PTPN23: variants seen among roughly 807,000 people sequenced by gnomAD.
The protein encoded by PTPN23 is tyrosine-protein phosphatase non-receptor type 23.
A neutral mutation model predicts 156.3 loss-of-function variants in PTPN23; 72 were observed. That is an observed-to-expected ratio of 0.46 (90% CI 0.38 to 0.56). The LOEUF (loss-of-function observed/expected upper bound fraction) is 0.56, where lower values mean the gene tolerates loss of function less well. Ranked by LOEUF, PTPN23 falls within the 20% of genes least tolerant of loss-of-function variation. The pLI is 0.00. For missense variants in PTPN23, 1,974 were observed against 2,171.5 expected, an observed-to-expected ratio of 0.91 and a Z score of 1.81; for synonymous variants, 957 against 899.6, an observed-to-expected ratio of 1.06 and a Z score of -1.14.
At chr3:47,387,930 C>T (rs1317933523) in intron 1 of PTPN23, among the ~76,000 whole-genome samples, 4 of 152,192 alleles carry the variant, frequency 2.6e-5, no homozygotes, top group African/African-American at 9.6e-5. Context: ...AAAATCATGG[C>T]AGGACCAGGA....
At position 47,406,740 on chromosome 3, in the gene PTPN23, T is replaced by C; in HGVS notation, c.797T>C (p.Phe266Ser). The change falls in exon 9 of 25, where the codon TTC becomes TCC. Residue 266 changes from phenylalanine to serine, a missense_variant. Transcript: ENST00000265562. The surrounding 1 kb of genome is among the most constrained non-coding windows in gnomAD (Gnocchi z 5.8). ...AAGCAGGCCGAGGAGCAGCAGAAGT[T>C]CGGGGAGCGGGTGAGCTACAGCGAG... ...MGKQAEEQQKFGERVAYFQSA... is the reference protein window; with the variant it reads ...MGKQAEEQQKSGERVAYFQSA... 1.2e-6 allele frequency: 2 copies of C among 1,613,658 alleles called. No individual in the cohort carries two copies. Among genetic ancestry groups the C allele is most frequent in the Non-Finnish European group, 1.7e-6 (2 of 1,179,922 alleles).
At chr3:47,399,585 A>G (rs896054419) in intron 2 of PTPN23, among the ~76,000 whole-genome samples, 19 of 152,130 alleles carry the variant, frequency 1.2e-4, no homozygotes, top group Non-Finnish European at 2.6e-4. Context: ...ATTACCACCA[A>G]TCTCCAAAGC....
Position 47,413,129 on chromosome 3 carries a change from C to G in PTPN23, c.4855C>G (p.Pro1619Ala). The part of the protein sequence containing the change: ...HNGQGLRATR[P>A]SDDPLSLLDP... ...CGGGCAAGGGCTGCGGGCCACCCGG[C>G]CCTCTGACGACCCCCTCAGCCTTCT... Residue 1619 changes from proline (P) to alanine (A), a missense_variant, in exon 25 of 25, where the codon CCC becomes GCC. By Grantham distance (27) the Pro-to-Ala change is conservative. Transcript: ENST00000265562. The G allele has an allele frequency of 6.2e-7, 1 of 1,612,828 alleles. No homozygotes were observed. Among genetic ancestry groups the G allele is most frequent in the Non-Finnish European group, 8.5e-7 (1 of 1,180,002 alleles).
At chr3:47,395,323 C>T (rs1264495783) in intron 1 of PTPN23, among the ~76,000 whole-genome samples, 2 of 152,210 alleles carry the variant, frequency 1.3e-5, no homozygotes, top group East Asian at 1.9e-4. Context: ...TATCAGTGCT[C>T]ATAGTGTTTG....
chr3:47,404,143 G>A (rs994498335), intron 2 of PTPN23, among the ~76,000 whole-genome samples: 2 of 152,190 alleles, frequency 1.3e-5, no homozygotes, highest in Non-Finnish European at 2.9e-5. Flanking sequence ...CTTTTCAGAT[G>A]TTTGAGATGG....
rs1235317845 is a variant in PTPN23 at position 47,406,486 on chromosome 3, A to G, written c.633A>G (p.Val211=). The G allele has an allele frequency of 6.2e-7, 1 of 1,613,842 alleles. No individual in the cohort carries two copies. The highest frequency in any genetic ancestry group is 8.5e-7 in the Non-Finnish European group (1 of 1,180,008). ...FLVARISAQV[V]DYYKEACRAL... is the part of the protein sequence containing the mutation. ...GGGCCCCACCCTGTTCTCAGGTGGT[A>G]GATTACTACAAGGAGGCATGCCGGG... Residue 211 remains valine (V), a synonymous_variant, in exon 8 of 25, where the codon GTA becomes GTG. Coordinates refer to ENST00000265562, the MANE Select transcript of PTPN23 (RefSeq NM_015466.4). The surrounding 1 kb of genome is among the most constrained non-coding windows in gnomAD (Gnocchi z 5.8).
chr3:47,396,105 C>G, intron 1 of PTPN23, 38 bp from the exon 2 acceptor site: 1 of 1,573,122 alleles, frequency 6.4e-7, no homozygotes, highest in Non-Finnish European at 8.7e-7. Context: ...AGGCGGGGGT[C>G]TTCTCTGCCA....
chr3:47,408,984 T>C lies in PTPN23; in HGVS notation c.1539T>C (p.Ser513=). ...ATGAGAAGGCCTCCTTCACCAACAG[T>C]GAGCTGCACCGTGCCATGAACCTGC... ...EVHEKASFTN[S]ELHRAMNLHV... Residue 513 remains serine, a synonymous_variant, in exon 16 of 25, where the codon AGT becomes AGC. Coordinates refer to ENST00000265562, the MANE Select transcript of PTPN23 (RefSeq NM_015466.4). The C allele has an allele frequency of 6.2e-7, 1 of 1,614,116 alleles. No individual in the cohort carries two copies. Among genetic ancestry groups the C allele is most frequent in the South Asian group, 1.1e-5 (1 of 91,086 alleles).
Position 47,407,332 on chromosome 3 carries a change from C to G in PTPN23, c.888C>G (p.Asp296Glu), listed in dbSNP as rs150349408. 29 of 1,614,020 alleles carry G rather than the reference C, an allele frequency of 1.8e-5. 2 individuals carry two copies. In the South Asian group the frequency reaches 3.1e-4, roughly 17 times the overall value. ...LAKGQPDTVQ[D>E]ALRFTMDVIG... ...AGGGCCAGCCTGACACTGTGCAAGACGCGCTTCGCTTCACTATGGATGTCA... is the reference window on the plus strand; with the variant it reads ...AGGGCCAGCCTGACACTGTGCAAGAGGCGCTTCGCTTCACTATGGATGTCA... Residue 296 changes from aspartate (D) to glutamate (E), a missense_variant, in exon 11 of 25, where the codon GAC becomes GAG. Physicochemically the swap from Asp to Glu is conservative, Grantham distance 45 (BLOSUM62 2). Around this residue, in one of 4 missense-constraint regions of PTPN23, gnomAD observed 726 missense variants for 929.5 expected, o/e 0.78. Transcript: ENST00000265562. The surrounding 1 kb of genome is among the most constrained non-coding windows in gnomAD (Gnocchi z 4.0).
intron 1 of PTPN23, among the ~76,000 whole-genome samples, chr3:47,382,039 T>C (rs1704553777): frequency 6.6e-6 from 1 of 152,084 alleles, no homozygotes; most frequent in Non-Finnish European, 1.5e-5. Context: ...CTTGTGGGCT[T>C]AGCACAGCAG....
chr3:47,400,954 G>A (rs1487985317), intron 2 of PTPN23, among the ~76,000 whole-genome samples: 1 of 151,886 alleles, frequency 6.6e-6, no homozygotes, highest in Non-Finnish European at 1.5e-5. Flanking sequence ...CCAGGCTGGA[G>A]TGCAGTGGCG....
At chr3:47,396,970 C>G (rs1006022507) in intron 2 of PTPN23, among the ~76,000 whole-genome samples, 3 of 152,084 alleles carry the variant, frequency 2.0e-5, no homozygotes, top group African/African-American at 7.2e-5. Flanking sequence ...GTGACTCTTC[C>G]TTTCACTTAA....
At chr3:47,385,653 G>A (rs954443598) in intron 1 of PTPN23, among the ~76,000 whole-genome samples, 2 of 152,112 alleles carry the variant, frequency 1.3e-5, no homozygotes, top group African/African-American at 4.8e-5. Flanking sequence ...CTCTAGTCAG[G>A]GCGACAGAGT....
chr3:47,404,578 T>C, intron 2 of PTPN23, 74 bp from the exon 3 acceptor site: 2 of 1,581,790 alleles, frequency 1.3e-6, no homozygotes. Flanking sequence ...TTTCCTGGCA[T>C]TTGTGAGTTA....
In PTPN23 at chr3:47,413,424, C is replaced by T. The variant is rs1705386231; in HGVS notation, c.*239C>T. ...TCTTTGCTATTGAAATAATAAACCACCCTGTTCTGTGGCCCGTGTCTGAGT... is the reference window on the plus strand; with the variant it reads ...TCTTTGCTATTGAAATAATAAACCATCCTGTTCTGTGGCCCGTGTCTGAGT... On this transcript the variant is annotated 3_prime_UTR_variant, in exon 25 of 25. Coordinates refer to ENST00000265562, the MANE Select transcript of PTPN23 (RefSeq NM_015466.4). 1 of 578,148 alleles carries T rather than the reference C, an allele frequency of 1.7e-6. No individual in the cohort carries two copies. Among genetic ancestry groups the T allele is most frequent in the Non-Finnish European group, 3.0e-6 (1 of 336,468 alleles). 35.8% of individuals were successfully genotyped at this position (578,148 alleles called of 1,614,324 possible).
chr3:47,406,278 G>A lies in PTPN23; in HGVS notation c.547-47G>A, dbSNP rs778774881. The A allele has an allele frequency of 2.8e-5, 45 of 1,602,058 alleles. No homozygotes were observed. In the Admixed American group the frequency reaches 6.7e-4, roughly 24 times the overall value. On this transcript the variant is annotated intron_variant, in intron 6 of 24. Coordinates refer to ENST00000265562, the MANE Select transcript of PTPN23 (RefSeq NM_015466.4). This position sits in a 1 kb window ranked among gnomAD's most constrained non-coding sequence, Gnocchi z 5.8. Reference sequence around the variant, plus strand: ...GGGAAGGATAAAGGGAAGGGGAAGCGGGAGGCCTTGGGTGAGCGAGGGAGT... The same window carrying A: ...GGGAAGGATAAAGGGAAGGGGAAGCAGGAGGCCTTGGGTGAGCGAGGGAGT...
intron 1 of PTPN23, among the ~76,000 whole-genome samples, chr3:47,386,148 C>T (rs2107691833): frequency 6.6e-6 from 1 of 152,234 alleles, no homozygotes; most frequent in East Asian, 1.9e-4. Flanking sequence ...GCCTGCACCA[C>T]AGAGTGCACG....
rs375249283 is a variant in PTPN23, at chr3:47,401,144, G to A, written c.160-3508G>A. Among the ~76,000 whole-genome samples, 25 of 150,510 alleles carry A rather than the reference G, an allele frequency of 1.7e-4. 1 individual carries two copies. In the East Asian group the frequency reaches 3.6e-3, roughly 21 times the overall value. On this transcript the variant is annotated intron_variant, in intron 2 of 24. Transcript: ENST00000265562. ...TCTTGATCTCCTGACCTCGTGATCC[G>A]CCTGCCTCGGCCTCCCAAACTGCTG...
At chr3:47,400,065 C>G (rs1704962022) in intron 2 of PTPN23, among the ~76,000 whole-genome samples, 1 of 152,196 alleles carries the variant, frequency 6.6e-6, no homozygotes, top group Non-Finnish European at 1.5e-5. Context: ...CTGCCTCAGC[C>G]TCCGAAAATG....
Sources: gnomAD v4.1 joint callset for allele counts (sites outside exome capture counted in the v4.1 genomes callset) on GRCh38, gnomAD v4.1.1 for gene constraint, gnomAD v4.1.1 regional missense constraint, Gnocchi (gnomAD v3.1) non-coding constraint, MANE v1.5 for transcripts, NCBI Gene and HGNC (gene_info 2026-07-23, HGNC 2026-07-21) for gene names.